Variants in GPC6 observed in about 807,000 individuals in gnomAD.
GPC6 encodes the protein glypican 6, also known as glypican-6.
A neutral mutation model predicts 55.2 loss-of-function variants in GPC6; 14 were observed. The ratio of observed to expected loss-of-function variants is 0.25; its 90% CI spans 0.17 to 0.40. GPC6 has a LOEUF of 0.40. Among genes scored for constraint, GPC6 ranks in the 10% least tolerant of loss-of-function variants. GPC6 has a pLI of 1.00. For missense variants in GPC6, 641 were observed against 708.5 expected (o/e 0.90, Z 1.08); for synonymous variants, 278 against 259.6 (o/e 1.07, Z -0.68).
chr13:93,756,215 C>T (rs1884763683), intron 2 of GPC6, among the ~76,000 whole-genome samples: 1 of 152,102 alleles, frequency 6.6e-6, no homozygotes, highest in Non-Finnish European at 1.5e-5. Flanking sequence ...TGGAGCAAGG[C>T]AGTTATTAAT....
chr13:93,766,789 T>G (rs1427840144), intron 2 of GPC6, among the ~76,000 whole-genome samples: 1 of 152,158 alleles, frequency 6.6e-6, no homozygotes, highest in East Asian at 1.9e-4. Context: ...GTATTTCATG[T>G]GACTGGCTTC....
chr13:94,231,981 A>G (rs1890742969), intron 4 of GPC6, among the ~76,000 whole-genome samples: 1 of 152,210 alleles, frequency 6.6e-6, no homozygotes, highest in Admixed American at 6.5e-5. Context: ...CTATTTATCT[A>G]TTGTAAACCA....
chr13:93,623,251 C>T (rs879705206), intron 2 of GPC6, among the ~76,000 whole-genome samples: 15 of 152,008 alleles, frequency 9.9e-5, no homozygotes, highest in African/African-American at 2.2e-4. Flanking sequence ...GCAGATATCT[C>T]CTTGACATAC....
At chr13:94,043,802 A>G (rs1375306936) in intron 4 of GPC6, among the ~76,000 whole-genome samples, 2 of 151,802 alleles carry the variant, frequency 1.3e-5, no homozygotes, top group African/African-American at 4.8e-5. Flanking sequence ...AGAGCACAGT[A>G]TTTCTGTAGA....
chr13:93,265,957 G>A (rs535604766), intron 1 of GPC6, among the ~76,000 whole-genome samples: 1 of 152,124 alleles, frequency 6.6e-6, no homozygotes, highest in Admixed American at 6.6e-5. Context: ...AATCAACCAA[G>A]GTAAGAGTGT....
intron 1 of GPC6, among the ~76,000 whole-genome samples, chr13:93,496,165 C>T (rs4553469): frequency 0.3 from 45,009 of 151,942 alleles, 7,169 homozygotes; most frequent in East Asian, 0.65. Flanking sequence ...GCTGTGCTAG[C>T]AATCAGCGAG....
At chr13:94,367,855 A>G (rs1879351198) in intron 6 of GPC6, among the ~76,000 whole-genome samples, 1 of 152,016 alleles carries the variant, frequency 6.6e-6, no homozygotes, top group Non-Finnish European at 1.5e-5. Flanking sequence ...CTTGGGAGTA[A>G]TGTTAAAAGT....
At chr13:93,695,693 T>C (rs552099575) in intron 2 of GPC6, among the ~76,000 whole-genome samples, 1 of 152,104 alleles carries the variant, frequency 6.6e-6, no homozygotes, top group Admixed American at 6.6e-5. Flanking sequence ...GAAAAATGGA[T>C]ATTTAAAATA....
intron 5 of GPC6, among the ~76,000 whole-genome samples, chr13:94,295,591 G>A (rs920260446): frequency 6.6e-6 from 1 of 152,102 alleles, no homozygotes; most frequent in Non-Finnish European, 1.5e-5. Flanking sequence ...CAGGCTCAAG[G>A]GAAGGGGTAG....
At chr13:94,158,751 T>C (rs996705143) in intron 4 of GPC6, among the ~76,000 whole-genome samples, 1 of 152,120 alleles carries the variant, frequency 6.6e-6, no homozygotes, top group Non-Finnish European at 1.5e-5. Flanking sequence ...GAGATGTTAG[T>C]GAAGATCATA....
chr13:93,888,601 A>G (rs1875481072), intron 3 of GPC6, among the ~76,000 whole-genome samples: 1 of 152,172 alleles, frequency 6.6e-6, no homozygotes, highest in South Asian at 2.1e-4. Flanking sequence ...AACACCAGAA[A>G]TCTCCCCTGA....
rs149967650 is a variant in GPC6, at chr13:93,582,896, A to G, written c.319+37475A>G. On this transcript the variant is annotated intron_variant, in intron 2 of 8. Coordinates refer to ENST00000377047, the MANE Select transcript of GPC6 (RefSeq NM_005708.5). ...GAAGGCCCCAAGCTTATACCTAGAG[A>G]CAGTTGTGCAGTTTTCCTTGGAAAG... 2.0e-3 allele frequency among the ~76,000 whole-genome samples: 302 copies of G among 152,340 alleles called. 2 individuals are homozygous for G. Among genetic ancestry groups the G allele is most frequent in the African/African-American group, 6.7e-3 (278 of 41,582 alleles).
intron 4 of GPC6, among the ~76,000 whole-genome samples, chr13:94,189,267 T>A (rs568597572): frequency 2.0e-4 from 31 of 152,180 alleles, no homozygotes; most frequent in Middle Eastern, 3.4e-3. Context: ...AAATGGGCTT[T>A]GGGGGTGGAC....
intron 2 of GPC6, among the ~76,000 whole-genome samples, chr13:93,691,563 G>C (rs1171339630): frequency 6.6e-6 from 1 of 150,456 alleles, no homozygotes; most frequent in African/African-American, 2.4e-5. Context: ...ATGACTTCTT[G>C]TTTTTCCATG....
intron 1 of GPC6, among the ~76,000 whole-genome samples, chr13:93,396,789 T>C (rs1875874865): frequency 6.6e-6 from 1 of 152,154 alleles, no homozygotes; most frequent in East Asian, 1.9e-4. Flanking sequence ...TTTTATAACA[T>C]AGAGCACTTA....
chr13:93,650,900 G>T (rs968582435), intron 2 of GPC6, among the ~76,000 whole-genome samples: 2 of 151,756 alleles, frequency 1.3e-5, no homozygotes. Context: ...TGTGTAATTT[G>T]ATGATACACT....
At position 94,382,515 on chromosome 13, in the gene GPC6, C is replaced by A. The variant is rs146122550; in HGVS notation, c.1254C>A (p.Asn418Lys). The change falls in exon 7 of 9, where the codon AAC becomes AAA. Residue 418 changes from asparagine to lysine, a missense_variant. Physicochemically the swap from Asn to Lys is moderately conservative, Grantham distance 94. Transcript: ENST00000377047. ...KDESVTAGTS[N>K]EEECWNGHSK... ...AGAGCGTGACAGCGGGCACGTCCAACGAGGAGGAATGCTGGAACGGGCACA... is the reference window on the plus strand; with the variant it reads ...AGAGCGTGACAGCGGGCACGTCCAAAGAGGAGGAATGCTGGAACGGGCACA... 8.1e-6 allele frequency: 13 copies of A among 1,614,024 alleles called. No individual in the cohort carries two copies. The highest frequency in any genetic ancestry group is 2.7e-5 in the African/African-American group (2 of 74,914).
At chr13:94,271,464 A>G (rs1418287314) in intron 4 of GPC6, among the ~76,000 whole-genome samples, 4 of 151,970 alleles carry the variant, frequency 2.6e-5, no homozygotes, top group Non-Finnish European at 4.4e-5. Context: ...TAGAATGACA[A>G]GTCCAGGCAA....
At chr13:93,706,498 G>A (rs1435832323) in intron 2 of GPC6, among the ~76,000 whole-genome samples, 3 of 151,844 alleles carry the variant, frequency 2.0e-5, no homozygotes, top group African/African-American at 7.2e-5. Context: ...TTGCAACACA[G>A]AATTAGATAG....
Sources: allele counts gnomAD v4.1 joint callset (sites outside exome capture counted in the v4.1 genomes callset), GRCh38; gene constraint gnomAD v4.1.1; transcripts MANE v1.5; gene names NCBI Gene and HGNC (gene_info 2026-07-23, HGNC 2026-07-21).